The following RORA variants were observed in gnomAD, a reference collection of about 807,000 sequenced individuals.
RORA encodes the protein RAR related orphan receptor A.
Under a neutral mutation model 69.5 loss-of-function variants are expected in RORA, and 7 were observed. That is an observed-to-expected ratio of 0.10 (90% CI 0.06 to 0.19). The LOEUF (loss-of-function observed/expected upper bound fraction) is 0.19. Ranked by LOEUF, RORA falls within the 10% of genes least tolerant of loss-of-function variation. The pLI is 1.00. For synonymous variants in RORA, 261 were observed against 240.8 expected, an observed-to-expected ratio of 1.08 and a Z score of -0.78; for missense variants, 457 against 663.0, an observed-to-expected ratio of 0.69 and a Z score of 3.41.
Position 60,491,799 on chromosome 15 carries a change from G to C in RORA, c.*5656C>G, listed in dbSNP as rs1455475304. On this transcript the variant is annotated 3_prime_UTR_variant, in exon 11 of 11. Transcript: ENST00000335670. ...TCTTCTCATCTCTTAAAAATAAATA[G>C]CAATAGGAAGGTCTCTATAATACAA... 6.6e-6 allele frequency: 1 copy of C among 151,980 alleles called. No individual in the cohort carries two copies. Among genetic ancestry groups the C allele is most frequent in the East Asian group, 1.9e-4 (1 of 5,200 alleles). The allele number at this position is 151,980 out of a possible 1,614,324, so 9.4% of individuals were successfully genotyped here. A position where few individuals can be genotyped will look rare whatever the true frequency, so the allele number is the denominator to read the frequency against.
rs73430850 is a variant in RORA at position 61,098,351 on chromosome 15, C to T, written c.166+130702G>A. Among the ~76,000 whole-genome samples the T allele has an allele frequency of 7.1e-3, 1,064 of 148,818 alleles. 11 individuals are homozygous for T. The highest frequency in any genetic ancestry group is 0.025 in the African/African-American group (1,006 of 40,572). On this transcript the variant is annotated intron_variant, in intron 1 of 10. Coordinates refer to ENST00000335670, the MANE Select transcript of RORA (RefSeq NM_134261.3). Reference sequence around the variant, plus strand: ...TCCTTTCTTCATTCCTTCTTTTCTACTTTTTTAAGAAACAAGGTCTGGCTT... The same window carrying T: ...TCCTTTCTTCATTCCTTCTTTTCTATTTTTTTAAGAAACAAGGTCTGGCTT...
rs1276773310 is a variant in RORA at position 60,905,586 on chromosome 15, C to T, written c.167-226900G>A. Among the ~76,000 whole-genome samples the T allele has an allele frequency of 6.6e-6, 1 of 152,132 alleles. No individual in the cohort carries two copies. The highest frequency in any genetic ancestry group is 2.4e-5 in the African/African-American group (1 of 41,414). On this transcript the variant is annotated intron_variant, in intron 1 of 10. Coordinates refer to ENST00000335670, the MANE Select transcript of RORA (RefSeq NM_134261.3). The surrounding 1 kb of genome is among the most constrained non-coding windows in gnomAD (Gnocchi z 4.8). ...AAAGTAGGTCTGAGGCAAGGGGTAG[C>T]ATAACTATTATTTCAATTAATAAAT...
intron 2 of RORA, among the ~76,000 whole-genome samples, chr15:60,562,564 T>C (rs947959110): frequency 1.3e-5 from 2 of 151,710 alleles, no homozygotes; most frequent in African/African-American, 4.8e-5. Flanking sequence ...GCGTCCCAAG[T>C]AGCTGGGACT....
intron 1 of RORA, among the ~76,000 whole-genome samples, chr15:61,211,159 A>G (rs1428266386): frequency 6.6e-6 from 1 of 152,178 alleles, no homozygotes; most frequent in African/African-American, 2.4e-5. Context: ...CTTTCAAGAG[A>G]AACAAAAATG....
chr15:60,552,567 A>G (rs1456873870), intron 2 of RORA, among the ~76,000 whole-genome samples: 1 of 152,176 alleles, frequency 6.6e-6, no homozygotes, highest in Non-Finnish European at 1.5e-5. Flanking sequence ...GGAATAAATA[A>G]ATTAGGAAAT....
At chr15:60,641,086 G>C (rs1332167420) in intron 2 of RORA, among the ~76,000 whole-genome samples, 4 of 152,124 alleles carry the variant, frequency 2.6e-5, no homozygotes, top group Admixed American at 6.5e-5. Flanking sequence ...CTGAGTAGCT[G>C]GACTACAGGT....
intron 1 of RORA, among the ~76,000 whole-genome samples, chr15:60,745,468 T>G (rs760864146): frequency 1.3e-5 from 2 of 152,240 alleles, no homozygotes; most frequent in Non-Finnish European, 2.9e-5. Context: ...CTGTCTCTGG[T>G]CTGAGGCAAG....
intron 1 of RORA, among the ~76,000 whole-genome samples, chr15:60,869,286 C>T (rs1314656640): frequency 1.3e-5 from 2 of 152,098 alleles, no homozygotes; most frequent in African/African-American, 2.4e-5. Context: ...ATAGAGGGCA[C>T]AGGCTGATTT....
At chr15:61,047,572 A>C (rs1438419886) in intron 1 of RORA, among the ~76,000 whole-genome samples, 2 of 152,108 alleles carry the variant, frequency 1.3e-5, no homozygotes, top group African/African-American at 4.8e-5. Context: ...TTGAGACATA[A>C]ATCAGGATAA....
intron 1 of RORA, among the ~76,000 whole-genome samples, chr15:60,858,028 C>T (rs2073398685): frequency 6.6e-6 from 1 of 152,232 alleles, no homozygotes; most frequent in African/African-American, 2.4e-5. Context: ...GACTTCAGGA[C>T]AGCACCTTGG....
At chr15:60,806,045 T>A (rs2072655705) in intron 1 of RORA, among the ~76,000 whole-genome samples, 1 of 152,160 alleles carries the variant, frequency 6.6e-6, no homozygotes, top group South Asian at 2.1e-4. Flanking sequence ...AAAGCCTCCC[T>A]CTTGATTGCT....
chr15:61,035,972 G>A (rs889755444), intron 1 of RORA, among the ~76,000 whole-genome samples: 3 of 152,196 alleles, frequency 2.0e-5, no homozygotes, highest in African/African-American at 7.2e-5. Flanking sequence ...GTATGTGGAA[G>A]ATGCTGCAGT....
chr15:60,726,601 G>C (rs1238393320), intron 1 of RORA, among the ~76,000 whole-genome samples: 1 of 152,190 alleles, frequency 6.6e-6, no homozygotes, highest in Non-Finnish European at 1.5e-5. Context: ...ACCAAACCAA[G>C]GTAGTTCCTC....
At chr15:60,668,302 C>G (rs2070410643) in intron 2 of RORA, among the ~76,000 whole-genome samples, 1 of 152,146 alleles carries the variant, frequency 6.6e-6, no homozygotes, top group Non-Finnish European at 1.5e-5. Flanking sequence ...CCTTAAAAAT[C>G]AAGAGCAAGA....
chr15:61,186,460 G>A (rs781608876), intron 1 of RORA, among the ~76,000 whole-genome samples: 1 of 151,890 alleles, frequency 6.6e-6, no homozygotes, highest in Non-Finnish European at 1.5e-5. Context: ...GGCTAACATG[G>A]TGGAACCCTG....
intron 1 of RORA, chr15:60,706,106 C>T (rs151184255): frequency 1.8e-4 from 27 of 152,274 alleles, no homozygotes; most frequent in African/African-American, 6.5e-4. Flanking sequence ...CACCCATTGA[C>T]AAGAAGAATC....
intron 1 of RORA, among the ~76,000 whole-genome samples, chr15:60,751,370 T>A (rs2071721177): frequency 6.6e-6 from 1 of 152,232 alleles, no homozygotes; most frequent in South Asian, 2.1e-4. Flanking sequence ...TTAGTATCAT[T>A]ATTATTTAAT....
At chr15:61,135,119 C>A (rs2079224435) in intron 1 of RORA, among the ~76,000 whole-genome samples, 1 of 144,558 alleles carries the variant, frequency 6.9e-6, no homozygotes, top group Non-Finnish European at 1.5e-5. Context: ...ACCAGCCTAG[C>A]CAACATGGTG....
intron 2 of RORA, among the ~76,000 whole-genome samples, chr15:60,652,945 A>G (rs1056210194): frequency 6.6e-6 from 1 of 152,184 alleles, no homozygotes; most frequent in African/African-American, 2.4e-5. Context: ...GTCTGAGCCC[A>G]TGGCACCTGC....
Sources: allele counts gnomAD v4.1 joint callset (sites outside exome capture counted in the v4.1 genomes callset), GRCh38; gene constraint gnomAD v4.1.1; non-coding constraint Gnocchi (gnomAD v3.1); transcripts MANE v1.5; gene names NCBI Gene and HGNC (gene_info 2026-07-23, HGNC 2026-07-21).